Variants in CNOT10 observed in about 807,000 individuals in gnomAD.
CNOT10 encodes CCR4-NOT transcription complex, subunit 10.
A neutral mutation model predicts 94.6 loss-of-function variants in CNOT10; 30 were observed. That is an observed-to-expected ratio of 0.32 (90% CI 0.24 to 0.43). The LOEUF (loss-of-function observed/expected upper bound fraction) is 0.43. Ranked by LOEUF, CNOT10 falls within the 20% of genes least tolerant of loss-of-function variation. CNOT10 has a pLI of 1.00. For missense variants in CNOT10, 759 were observed against 877.2 expected (o/e 0.87, Z 1.70); for synonymous variants, 289 against 301.6 (o/e 0.96, Z 0.43).
intron 5 of CNOT10, among the ~76,000 whole-genome samples, chr3:32,715,546 A>T (rs148011587): frequency 5.6e-4 from 86 of 152,338 alleles, no homozygotes; most frequent in African/African-American, 1.9e-3. Context: ...AGTGTTCATA[A>T]CAGAGAAAGT....
intron 13 of CNOT10, among the ~76,000 whole-genome samples, chr3:32,737,935 G>T (rs991990346): frequency 1.3e-5 from 2 of 152,002 alleles, no homozygotes; most frequent in Non-Finnish European, 2.9e-5. Flanking sequence ...ATTTTCTTTT[G>T]TATAAATTTT....
intron 13 of CNOT10, among the ~76,000 whole-genome samples, chr3:32,739,560 A>T (rs1006661968): frequency 6.6e-6 from 1 of 152,052 alleles, no homozygotes; most frequent in Non-Finnish European, 1.5e-5. Context: ...ACGATTGTAG[A>T]TTCACATAAT....
intron 1 of CNOT10, among the ~76,000 whole-genome samples, chr3:32,697,357 G>GT (rs763762697): frequency 8.5e-5 from 13 of 152,136 alleles, no homozygotes; most frequent in East Asian, 3.8e-4. Context: ...GAGTTGTTGG[G>GT]TTTTCCCCTT....
chr3:32,762,166 TAA>T (rs556098480), intron 14 of CNOT10, among the ~76,000 whole-genome samples: 64 of 109,992 alleles, frequency 5.8e-4, no homozygotes, highest in Non-Finnish European at 4.9e-4. Flanking sequence ...GGTCCCCAGT[TAA>T]AAAAAAAAAA....
At chr3:32,693,182 T>C (rs745566914) in intron 1 of CNOT10, among the ~76,000 whole-genome samples, 1 of 152,188 alleles carries the variant, frequency 6.6e-6, no homozygotes, top group Non-Finnish European at 1.5e-5. Context: ...TAGTGACCTA[T>C]GTTTGATATT....
intron 13 of CNOT10, chr3:32,753,007 A>C (rs543729797): frequency 4.2e-6 from 2 of 481,844 alleles, no homozygotes; most frequent in South Asian, 3.3e-5. Context: ...GCATTAGAGG[A>C]GCTGACTAAG....
intron 10 of CNOT10, among the ~76,000 whole-genome samples, chr3:32,732,100 A>AT (rs527241785): frequency 2.7e-5 from 4 of 150,052 alleles, no homozygotes; most frequent in Non-Finnish European, 4.4e-5. Context: ...TAAATAAAAG[A>AT]TTTTTTCTGG....
intron 18 of CNOT10, among the ~76,000 whole-genome samples, chr3:32,771,339 G>A (rs1163707449): frequency 6.6e-6 from 1 of 152,038 alleles, no homozygotes; most frequent in East Asian, 1.9e-4. Flanking sequence ...AGTGGCTCAC[G>A]CCTATAATCC....
At chr3:32,701,913 C>T (rs1478888498) in intron 1 of CNOT10, among the ~76,000 whole-genome samples, 2 of 152,078 alleles carry the variant, frequency 1.3e-5, no homozygotes, top group Non-Finnish European at 2.9e-5. Flanking sequence ...CTGCCTCAGC[C>T]TCCTGAGTAG....
intron 12 of CNOT10, among the ~76,000 whole-genome samples, chr3:32,737,034 C>T (rs114752505): frequency 0.022 from 3,298 of 152,140 alleles, 40 homozygotes; most frequent in Middle Eastern, 0.044. Context: ...CATGGGAGGC[C>T]GGGCGAGGTG....
intron 7 of CNOT10, among the ~76,000 whole-genome samples, chr3:32,719,019 G>A (rs1698252419): frequency 6.6e-6 from 1 of 152,190 alleles, no homozygotes; most frequent in Admixed American, 6.5e-5. Context: ...GGGAGGCTGA[G>A]GCAGGCGGAT....
At chr3:32,696,102 G>T (rs1697053187) in intron 1 of CNOT10, among the ~76,000 whole-genome samples, 1 of 151,650 alleles carries the variant, frequency 6.6e-6, no homozygotes, top group Non-Finnish European at 1.5e-5. Context: ...GATCACTTGA[G>T]ATCAGGAGTT....
chr3:32,770,606 T>G (rs565237298), intron 18 of CNOT10, among the ~76,000 whole-genome samples: 2 of 152,176 alleles, frequency 1.3e-5, no homozygotes, highest in South Asian at 4.1e-4. Flanking sequence ...ATTACAGGCG[T>G]GAGCCACCGC....
At chr3:32,752,001 A>C (rs1263347112) in intron 13 of CNOT10, among the ~76,000 whole-genome samples, 2 of 152,166 alleles carry the variant, frequency 1.3e-5, no homozygotes, top group African/African-American at 4.8e-5. Context: ...GGGTTAAAAT[A>C]ATTCTTCAGG....
chr3:32,719,946 T>A (rs1575235903), intron 7 of CNOT10, among the ~76,000 whole-genome samples, 168 bp from the exon 8 acceptor site: 2 of 152,310 alleles, frequency 1.3e-5, no homozygotes, highest in South Asian at 2.1e-4. Context: ...CAAGTTTCAA[T>A]TTTTTTGATT....
intron 1 of CNOT10, among the ~76,000 whole-genome samples, chr3:32,695,343 T>C (rs1432282518): frequency 2.0e-5 from 3 of 152,244 alleles, no homozygotes; most frequent in South Asian, 2.1e-4. Flanking sequence ...TTTAAAACTT[T>C]CCTTCACAAG....
At chr3:32,699,720 C>G (rs1055153437) in intron 1 of CNOT10, among the ~76,000 whole-genome samples, 6 of 152,092 alleles carry the variant, frequency 3.9e-5, no homozygotes, top group African/African-American at 1.5e-4. Context: ...GGGGAGCATT[C>G]CACTAGCTCT....
chr3:32,694,108 G>C (rs953863773), intron 1 of CNOT10, among the ~76,000 whole-genome samples: 1 of 148,476 alleles, frequency 6.7e-6, no homozygotes, highest in Non-Finnish European at 1.5e-5. Flanking sequence ...GGGGTTTGGT[G>C]GGGGGGTTGC....
intron 3 of CNOT10, among the ~76,000 whole-genome samples, chr3:32,707,620 A>G (rs1205750440): frequency 6.6e-6 from 1 of 152,116 alleles, no homozygotes. Flanking sequence ...CCTGGCCAAC[A>G]TGGTGAAACC....
Sources: gnomAD v4.1 joint callset for allele counts (sites outside exome capture counted in the v4.1 genomes callset) on GRCh38, gnomAD v4.1.1 for gene constraint, MANE v1.5 for transcripts, NCBI Gene and HGNC (gene_info 2026-07-23, HGNC 2026-07-21) for gene names.